Variants in RBMS2 observed in about 807,000 individuals in gnomAD.
RBMS2 encodes the protein RNA-binding motif, single-stranded-interacting protein 2.
In RBMS2, 38 loss-of-function variants were observed where a neutral mutation model predicts 58.4. The observed-to-expected ratio is 0.65, with a 90% CI of 0.50 to 0.85. The LOEUF (loss-of-function observed/expected upper bound fraction) is 0.85, where lower values mean the gene tolerates loss of function less well. Among genes scored for constraint, RBMS2 ranks in the 40% least tolerant of loss-of-function variants. The pLI, the probability that RBMS2 is intolerant of heterozygous loss-of-function variation, is 0.00. For missense variants in RBMS2, 367 were observed against 503.7 expected (o/e 0.73, Z 2.60); for synonymous variants, 151 against 180.7 (o/e 0.84, Z 1.32).
At chr12:56,528,689 C>T (rs1367603369) in intron 1 of RBMS2, among the ~76,000 whole-genome samples, 1 of 152,008 alleles carries the variant, frequency 6.6e-6, no homozygotes, top group African/African-American at 2.4e-5. Context: ...ATCGAAAGGA[C>T]AAATATCTCC....
intron 1 of RBMS2, among the ~76,000 whole-genome samples, chr12:56,528,578 A>G (rs1873118913): frequency 6.6e-6 from 1 of 152,228 alleles, no homozygotes; most frequent in Non-Finnish European, 1.5e-5. Flanking sequence ...CATCAAGGAA[A>G]TATAAAATAA....
chr12:56,555,676 A>G (rs552680391), intron 1 of RBMS2, among the ~76,000 whole-genome samples: 14 of 151,988 alleles, frequency 9.2e-5, no homozygotes, highest in South Asian at 2.1e-4. Context: ...TGCAGCCTCC[A>G]CCTCCTGGGC....
rs373341871 is a variant in RBMS2, at chr12:56,595,031, C to CAGAT, written c.*5901_*5904dup. On this transcript the variant is annotated 3_prime_UTR_variant, in exon 14 of 14. Transcript: ENST00000262031. The stretch of plus-strand genomic sequence containing the variant: ...TCGCCCTAGAATAGTGTGAACTCTC[C>CAGAT]AGATAGGTCCTGCTGTGATAGGCCA... 6.6e-6 allele frequency: 1 copy of CAGAT among 152,122 alleles called. No homozygotes were observed. Among genetic ancestry groups the CAGAT allele is most frequent in the African/African-American group, 2.4e-5 (1 of 41,384 alleles). 9.4% of individuals were successfully genotyped at this position (152,122 alleles called of 1,614,324 possible). A position where few individuals can be genotyped will look rare whatever the true frequency, so the allele number is the denominator to read the frequency against.
At chr12:56,569,659 G>A (rs1212193633) in intron 3 of RBMS2, among the ~76,000 whole-genome samples, 1 of 152,104 alleles carries the variant, frequency 6.6e-6, no homozygotes, top group African/African-American at 2.4e-5. Flanking sequence ...TTTCTTAAGG[G>A]GGAGGGAGAA....
At position 56,562,546 on chromosome 12, in the gene RBMS2, G is replaced by A; in HGVS notation, c.196G>A (p.Gly66Ser). Residue 66 changes from glycine to serine, a missense_variant, in exon 2 of 14, where the codon GGC becomes AGC. This residue lies in a region of RBMS2 where 93 missense variants were observed against 132.2 expected (regional missense o/e 0.70). Transcript: ENST00000262031. ...TNLYIRGLQP[G>S]TTDQDLVKLC... ...CCTATACATCCGAGGATTGCAACCA[G>A]GCACTACTGACCAAGATCTTGTCAA... The A allele has an allele frequency of 6.2e-7, 1 of 1,613,474 alleles. No homozygotes were observed. The highest frequency in any genetic ancestry group is 8.5e-7 in the Non-Finnish European group (1 of 1,179,408).
intron 1 of RBMS2, among the ~76,000 whole-genome samples, chr12:56,526,919 A>G (rs1410659660): frequency 2.0e-5 from 3 of 152,170 alleles, no homozygotes; most frequent in Non-Finnish European, 4.4e-5. Flanking sequence ...AAAAAAAGAA[A>G]AGGGACTGTG....
chr12:56,584,816 T>C, intron 9 of RBMS2, among the ~76,000 whole-genome samples: 1 of 150,328 alleles, frequency 6.7e-6, no homozygotes, highest in Non-Finnish European at 1.5e-5. Context: ...CTTTTGAACT[T>C]CTTGTCTTTT....
At position 56,593,874 on chromosome 12, in the gene RBMS2, T is replaced by G. The variant is rs1885498114; in HGVS notation, c.*4741T>G. On this transcript the variant is annotated 3_prime_UTR_variant, in exon 14 of 14. Coordinates refer to ENST00000262031, the MANE Select transcript of RBMS2 (RefSeq NM_002898.4). ...TTGTAGTGTTTTTAACTAAAGAATT[T>G]GTAGAGTTGCCCAGGCCAGGAAGCC... is the stretch of plus-strand genomic sequence containing the variant. 6.6e-6 allele frequency: 1 copy of G among 152,344 alleles called. No homozygotes were observed. Among genetic ancestry groups the G allele is most frequent in the Non-Finnish European group, 1.5e-5 (1 of 68,126 alleles). 9.4% of individuals were successfully genotyped at this position (152,344 alleles called of 1,614,324 possible). A position where few individuals can be genotyped will look rare whatever the true frequency, so the allele number is the denominator to read the frequency against.
At chr12:56,576,643 T>C (rs1228722711) in intron 5 of RBMS2, among the ~76,000 whole-genome samples, 2 of 152,210 alleles carry the variant, frequency 1.3e-5, no homozygotes, top group African/African-American at 4.8e-5. Flanking sequence ...ATTTTGTTTC[T>C]ATTCCATTTC....
intron 9 of RBMS2, 54 bp downstream of exon 9, chr12:56,582,206 A>G: frequency 6.9e-7 from 1 of 1,450,282 alleles, no homozygotes; most frequent in Non-Finnish European, 9.5e-7. Context: ...CTGTGCTTTA[A>G]GTGAAGTAAT....
intron 1 of RBMS2, among the ~76,000 whole-genome samples, chr12:56,541,295 T>C (rs1290324639): frequency 6.6e-6 from 1 of 152,164 alleles, no homozygotes; most frequent in African/African-American, 2.4e-5. Context: ...AAAGTGAATC[T>C]GATTTTCCCT....
intron 1 of RBMS2, among the ~76,000 whole-genome samples, chr12:56,536,469 C>T (rs915934212): frequency 6.6e-6 from 1 of 151,532 alleles, no homozygotes; most frequent in African/African-American, 2.4e-5. Context: ...TGTTTCCTTA[C>T]CTCCTACTCT....
intron 5 of RBMS2, chr12:56,580,230 CTTTTTTTT>C (rs544289831): frequency 2.2e-5 from 7 of 313,988 alleles, no homozygotes; most frequent in East Asian, 1.3e-4. Flanking sequence ...TGAGCCTGGC[CTTTTTTTT>C]TTTTTTTTTT....
intron 2 of RBMS2, among the ~76,000 whole-genome samples, chr12:56,567,990 T>C (rs1330375731): frequency 6.6e-6 from 1 of 152,208 alleles, no homozygotes; most frequent in African/African-American, 2.4e-5. Context: ...AAATTTTAAG[T>C]GCTTACCATG....
intron 1 of RBMS2, among the ~76,000 whole-genome samples, chr12:56,553,730 G>A (rs1292962042): frequency 1.3e-5 from 2 of 151,754 alleles, no homozygotes; most frequent in Non-Finnish European, 2.9e-5. Context: ...GTCTCCCAAA[G>A]TGCTGAGATT....
chr12:56,531,243 A>G (rs1248287943), intron 1 of RBMS2, among the ~76,000 whole-genome samples: 3 of 152,098 alleles, frequency 2.0e-5, no homozygotes, highest in South Asian at 2.1e-4. Flanking sequence ...CCAAATACCT[A>G]ATATAGCATC....
chr12:56,590,395 C>G lies in RBMS2; in HGVS notation c.*1262C>G, dbSNP rs1380215701. On this transcript the variant is annotated 3_prime_UTR_variant, in exon 14 of 14. Coordinates refer to ENST00000262031, the MANE Select transcript of RBMS2 (RefSeq NM_002898.4). ...AACATCTAGAGACAGTTTTGATTGC[C>G]ACGCCTGGAGGTGGGATGTGTGTGC... The G allele has an allele frequency of 2.0e-5, 3 of 152,190 alleles. No individual in the cohort carries two copies. The highest frequency in any genetic ancestry group is 4.4e-5 in the Non-Finnish European group (3 of 68,054). 9.4% of individuals were successfully genotyped at this position (152,190 alleles called of 1,614,324 possible).
intron 4 of RBMS2, 122 bp from the exon 5 acceptor site, chr12:56,571,576 A>C: frequency 9.2e-7 from 1 of 1,088,302 alleles, no homozygotes. Flanking sequence ...CAAATAGAAT[A>C]ATCTTTGTTT....
At chr12:56,586,057 G>A (rs999507707) in intron 9 of RBMS2, among the ~76,000 whole-genome samples, 2 of 151,376 alleles carry the variant, frequency 1.3e-5, no homozygotes, top group African/African-American at 2.4e-5. Flanking sequence ...GGCCGGGCAC[G>A]GTGGCTCACG....
Sources: allele counts gnomAD v4.1 joint callset (sites outside exome capture counted in the v4.1 genomes callset), GRCh38; gene constraint gnomAD v4.1.1; regional missense constraint gnomAD v4.1.1; transcripts MANE v1.5; gene names NCBI Gene and HGNC (gene_info 2026-07-23, HGNC 2026-07-21).